Variants in CFAP20DC observed in about 807,000 individuals in gnomAD.
CFAP20DC encodes the protein CFAP20 domain containing, also known as protein CFAP20DC.
A neutral mutation model predicts 101.7 loss-of-function variants in CFAP20DC; 84 were observed. The observed-to-expected ratio is 0.83, with a 90% CI of 0.69 to 0.99. The LOEUF is 0.99. Ranked by LOEUF, CFAP20DC falls within the 50% of genes least tolerant of loss-of-function variation. CFAP20DC has a pLI of 0.00. For synonymous variants in CFAP20DC, 359 were observed against 351.2 expected, an observed-to-expected ratio of 1.02 and a Z score of -0.25; for missense variants, 1,007 against 970.3, an observed-to-expected ratio of 1.04 and a Z score of -0.50.
chr3:58,870,439 T>G (rs990907376), intron 7 of CFAP20DC, 130 bp from the exon 8 acceptor site: 36 of 811,556 alleles, frequency 4.4e-5, no homozygotes, highest in Non-Finnish European at 6.8e-5. Flanking sequence ...CAGCATGTAT[T>G]AAAAACACAG....
chr3:58,806,928 G>C (rs2074119382), intron 14 of CFAP20DC, among the ~76,000 whole-genome samples: 1 of 152,156 alleles, frequency 6.6e-6, no homozygotes. Context: ...CCCGCACATG[G>C]CTTGAAGGGT....
rs1277203084 is a variant in CFAP20DC at position 58,742,592 on chromosome 3, C to T, written c.2333-20G>A. 1.9e-6 allele frequency: 3 copies of T among 1,577,552 alleles called. No homozygotes were observed. Among genetic ancestry groups the T allele is most frequent in the African/African-American group, 1.4e-5 (1 of 73,938 alleles). Reference sequence around the variant, plus strand: ...CTTCACCTGTGGGGAAGGGGAACCACAGACACATTAGCTGTTGGCTTGGCC... The same window carrying T: ...CTTCACCTGTGGGGAAGGGGAACCATAGACACATTAGCTGTTGGCTTGGCC... On this transcript the variant is annotated intron_variant, in intron 16 of 16. Coordinates refer to ENST00000482387, the MANE Select transcript of CFAP20DC (RefSeq NM_001394063.1).
At chr3:58,834,076 G>A (rs1393681389) in intron 13 of CFAP20DC, among the ~76,000 whole-genome samples, 1 of 152,172 alleles carries the variant, frequency 6.6e-6, no homozygotes, top group East Asian at 1.9e-4. Flanking sequence ...GTGGGTGCAT[G>A]TTTTCCTTTT....
intron 15 of CFAP20DC, among the ~76,000 whole-genome samples, chr3:58,764,148 G>A (rs778003692): frequency 1.3e-5 from 2 of 152,182 alleles, no homozygotes; most frequent in Admixed American, 6.5e-5. Context: ...AGTCTACAGA[G>A]ACAGGCAGGC....
chr3:58,857,406 T>C (rs991783779), intron 12 of CFAP20DC, among the ~76,000 whole-genome samples: 1 of 152,154 alleles, frequency 6.6e-6, no homozygotes, highest in Admixed American at 6.6e-5. Flanking sequence ...ATTATATACA[T>C]AGACATATTC....
chr3:58,816,807 C>G (rs924202960), intron 14 of CFAP20DC, among the ~76,000 whole-genome samples: 2 of 152,180 alleles, frequency 1.3e-5, no homozygotes, highest in Non-Finnish European at 2.9e-5. Context: ...GGAGGCCTGC[C>G]TGCCTCTGTA....
chr3:58,775,579 G>A (rs2071252292), intron 15 of CFAP20DC, among the ~76,000 whole-genome samples: 1 of 152,040 alleles, frequency 6.6e-6, no homozygotes, highest in Admixed American at 6.6e-5. Flanking sequence ...ATTCACATAT[G>A]TTTTCTTAAA....
chr3:58,971,862 C>T lies in CFAP20DC; in HGVS notation c.279-34100G>A, dbSNP rs1344157726. Among the ~76,000 whole-genome samples, 1 of 142,048 alleles carries T rather than the reference C, an allele frequency of 7.0e-6. No homozygotes were observed. Among genetic ancestry groups the T allele is most frequent in the East Asian group, 2.0e-4 (1 of 5,116 alleles). The allele number at this position is 142,048 out of a possible 152,430, so 93.2% of individuals were successfully genotyped here. Reference sequence around the variant, plus strand: ...GACTGTAATATCATACACACGCACACATACACACACACACACACACACACA... The same window carrying T: ...GACTGTAATATCATACACACGCACATATACACACACACACACACACACACA... On this transcript the variant is annotated intron_variant, in intron 4 of 16. Coordinates refer to ENST00000482387, the MANE Select transcript of CFAP20DC (RefSeq NM_001394063.1). This position sits in a 1 kb window ranked among gnomAD's most constrained non-coding sequence, Gnocchi z 4.1.
In CFAP20DC at chr3:58,717,758, G is replaced by A. The variant is rs530995986; in HGVS notation, c.198-130C>T. Reference sequence around the variant, plus strand: ...TGGAAGTCTCATCCTGAATACTTTGGCTGGCAACTTATTAGCTAGAACTGG... The same window carrying A: ...TGGAAGTCTCATCCTGAATACTTTGACTGGCAACTTATTAGCTAGAACTGG... On this transcript the variant is annotated intron_variant, in intron 3 of 3. Coordinates refer to the CFAP20DC transcript ENST00000486145. This position sits in a 1 kb window ranked among gnomAD's most constrained non-coding sequence, Gnocchi z 4.1. The A allele has an allele frequency of 1.2e-5, 4 of 339,888 alleles. No individual in the cohort carries two copies. In the East Asian group the frequency reaches 3.2e-4, roughly 27 times the overall value. 21.1% of individuals were successfully genotyped at this position (339,888 alleles called of 1,614,324 possible).
At chr3:58,976,794 T>C (rs2092297845) in intron 4 of CFAP20DC, among the ~76,000 whole-genome samples, 1 of 152,066 alleles carries the variant, frequency 6.6e-6, no homozygotes, top group Non-Finnish European at 1.5e-5. Context: ...CACCAGCAGG[T>C]CTACATGGCC....
intron 12 of CFAP20DC, chr3:58,862,186 T>C (rs1170754027): frequency 1.0e-6 from 1 of 981,336 alleles, no homozygotes; most frequent in East Asian, 1.1e-4. Flanking sequence ...ACTATTAGAG[T>C]AATGCTTTTG....
intron 5 of CFAP20DC, among the ~76,000 whole-genome samples, chr3:58,921,909 A>G (rs2107547744): frequency 6.6e-6 from 1 of 152,248 alleles, no homozygotes. Flanking sequence ...TAGCACTGTT[A>G]TATCTTCTTC....
At chr3:58,854,566 G>T (rs1476068189) in intron 12 of CFAP20DC, among the ~76,000 whole-genome samples, 1 of 152,044 alleles carries the variant, frequency 6.6e-6, no homozygotes, top group Non-Finnish European at 1.5e-5. Flanking sequence ...GGAGGCATCA[G>T]GCTACCTGAG....
At chr3:58,942,666 G>T (rs183717136) in intron 4 of CFAP20DC, among the ~76,000 whole-genome samples, 1 of 152,204 alleles carries the variant, frequency 6.6e-6, no homozygotes, top group African/African-American at 2.4e-5. Context: ...CAGACATCGA[G>T]CTAGCTGCAG....
intron 4 of CFAP20DC, among the ~76,000 whole-genome samples, chr3:58,958,392 T>C (rs778728776): frequency 2.0e-5 from 3 of 152,224 alleles, no homozygotes; most frequent in Non-Finnish European, 4.4e-5. Context: ...TTCTACTATA[T>C]GGATGTATCA....
chr3:58,887,171 T>C (rs1284850635), intron 6 of CFAP20DC, among the ~76,000 whole-genome samples: 1 of 152,252 alleles, frequency 6.6e-6, no homozygotes, highest in African/African-American at 2.4e-5. Context: ...GATTTATAAA[T>C]ATTAGTTTTC....
chr3:59,038,395 C>T (rs2094140950), intron 4 of CFAP20DC, among the ~76,000 whole-genome samples: 3 of 152,064 alleles, frequency 2.0e-5, no homozygotes, highest in Non-Finnish European at 4.4e-5. Flanking sequence ...TGTGTAACAT[C>T]CAAAAGAGTG....
At chr3:59,035,944 T>G (rs1407955756) in intron 4 of CFAP20DC, among the ~76,000 whole-genome samples, 2 of 150,742 alleles carry the variant, frequency 1.3e-5, no homozygotes, top group Non-Finnish European at 3.0e-5. Context: ...TGCAAAAAGC[T>G]TATCCACCAC....
At position 58,964,462 on chromosome 3, in the gene CFAP20DC, T is replaced by A. The variant is rs2091389270; in HGVS notation, c.279-26700A>T. Among the ~76,000 whole-genome samples the A allele has an allele frequency of 6.6e-6, 1 of 152,216 alleles. No individual in the cohort carries two copies. Among genetic ancestry groups the A allele is most frequent in the Non-Finnish European group, 1.5e-5 (1 of 68,022 alleles). On this transcript the variant is annotated intron_variant, in intron 4 of 16. Transcript: ENST00000482387. The surrounding 1 kb of genome is among the most constrained non-coding windows in gnomAD (Gnocchi z 4.1). ...CCCTATATCTTGTTGAATATGTATA[T>A]TTGGTTAACCTGGTCCACTTAAATT...
Sources: allele counts gnomAD v4.1 joint callset (sites outside exome capture counted in the v4.1 genomes callset), GRCh38; gene constraint gnomAD v4.1.1; non-coding constraint Gnocchi (gnomAD v3.1); transcripts MANE v1.5; gene names NCBI Gene and HGNC (gene_info 2026-07-23, HGNC 2026-07-21).